The following ATRNL1 variants were observed in gnomAD, a reference collection of about 807,000 sequenced individuals.
ATRNL1 encodes the protein attractin-like protein 1.
Under a neutral mutation model 182.7 loss-of-function variants are expected in ATRNL1, and 95 were observed. That is an observed-to-expected ratio of 0.52 (90% CI 0.44 to 0.62). ATRNL1 has a LOEUF of 0.62. ATRNL1 is among the 20% of genes least tolerant of loss of function. The pLI is 0.00. For synonymous variants in ATRNL1, 576 were observed against 568.3 expected, an observed-to-expected ratio of 1.01 and a Z score of -0.19; for missense variants, 1,471 against 1,679.5, an observed-to-expected ratio of 0.88 and a Z score of 2.17.
chr10:115,517,967 C>T (rs1850724507), intron 24 of ATRNL1, among the ~76,000 whole-genome samples: 1 of 151,684 alleles, frequency 6.6e-6, no homozygotes, highest in Non-Finnish European at 1.5e-5. Context: ...TTTCTTCAGC[C>T]TTTGTATAAG....
chr10:115,765,192 G>A (rs1309983075), intron 27 of ATRNL1, among the ~76,000 whole-genome samples: 2 of 152,134 alleles, frequency 1.3e-5, no homozygotes, highest in Non-Finnish European at 2.9e-5. Flanking sequence ...AGGTATCAGG[G>A]AGCACAATTG....
chr10:115,384,489 G>A (rs890055086), intron 19 of ATRNL1, among the ~76,000 whole-genome samples: 8 of 151,608 alleles, frequency 5.3e-5, no homozygotes, highest in East Asian at 1.9e-4. Context: ...TGGGCCATTC[G>A]GTCTGTGTGC....
intron 27 of ATRNL1, among the ~76,000 whole-genome samples, chr10:115,729,811 C>G (rs1264787937): frequency 6.6e-6 from 1 of 152,040 alleles, no homozygotes; most frequent in Admixed American, 6.6e-5. Context: ...GAATTTTTAT[C>G]AAAACGTTAT....
chr10:115,098,241 A>G (rs1554863636), intron 1 of ATRNL1, among the ~76,000 whole-genome samples: 1 of 152,114 alleles, frequency 6.6e-6, no homozygotes, highest in Non-Finnish European at 1.5e-5. Context: ...CATGGTTTTC[A>G]AGAACACGTG....
At chr10:115,105,798 C>T (rs1350991351) in intron 1 of ATRNL1, among the ~76,000 whole-genome samples, 2 of 152,202 alleles carry the variant, frequency 1.3e-5, no homozygotes, top group African/African-American at 4.8e-5. Flanking sequence ...GTTTGGGAAC[C>T]TCTGTCTGCA....
chr10:115,815,602 T>G (rs1034163934), intron 27 of ATRNL1, among the ~76,000 whole-genome samples: 12 of 152,170 alleles, frequency 7.9e-5, no homozygotes, highest in African/African-American at 2.7e-4. Flanking sequence ...TCAATGTTAG[T>G]GGACTGTCTT....
At chr10:115,278,174 T>C (rs1852189177) in intron 13 of ATRNL1, among the ~76,000 whole-genome samples, 1 of 152,238 alleles carries the variant, frequency 6.6e-6, no homozygotes, top group African/African-American at 2.4e-5. Context: ...CTTTATTTTT[T>C]GAATTGGAAG....
intron 27 of ATRNL1, among the ~76,000 whole-genome samples, chr10:115,753,287 T>C (rs909577760): frequency 6.6e-6 from 1 of 151,978 alleles, no homozygotes; most frequent in Non-Finnish European, 1.5e-5. Flanking sequence ...CAACCTGTCA[T>C]CTACATTAGG....
intron 18 of ATRNL1, among the ~76,000 whole-genome samples, chr10:115,325,902 T>C (rs1410893417): frequency 1.3e-5 from 2 of 152,164 alleles, no homozygotes; most frequent in African/African-American, 4.8e-5. Context: ...AACTTTTTTT[T>C]TTTTAATGAT....
At chr10:115,204,212 T>A (rs1276674737) in intron 8 of ATRNL1, among the ~76,000 whole-genome samples, 1 of 152,032 alleles carries the variant, frequency 6.6e-6, no homozygotes, top group Admixed American at 6.6e-5. Context: ...ACTTTAGAGT[T>A]TTTTACATAT....
intron 1 of ATRNL1, among the ~76,000 whole-genome samples, chr10:115,112,214 A>C (rs1415796004): frequency 1.3e-5 from 2 of 152,212 alleles, no homozygotes; most frequent in South Asian, 2.1e-4. Context: ...TATTGTTAAA[A>C]TGTCTATATT....
intron 28 of ATRNL1, among the ~76,000 whole-genome samples, chr10:115,917,662 T>C (rs1287087679): frequency 6.6e-6 from 1 of 152,160 alleles, no homozygotes; most frequent in Non-Finnish European, 1.5e-5. Context: ...TAAAAGCTCA[T>C]ATGTGATTAA....
At chr10:115,165,236 C>T (rs544232989) in intron 6 of ATRNL1, among the ~76,000 whole-genome samples, 6 of 151,912 alleles carry the variant, frequency 3.9e-5, no homozygotes, top group Admixed American at 3.9e-4. Flanking sequence ...TTAAAAAATA[C>T]AGTCAAATCA....
intron 28 of ATRNL1, among the ~76,000 whole-genome samples, chr10:115,943,080 C>T (rs185718418): frequency 2.0e-5 from 3 of 152,308 alleles, no homozygotes; most frequent in Admixed American, 6.5e-5. Context: ...TGGTCACATT[C>T]GGTCAATAAT....
chr10:115,350,334 C>CAAAAAAAAAAAAAAA lies in ATRNL1; in HGVS notation c.3175+15926_3175+15927insAAAAAAAAAAAAAAA, dbSNP rs1424122017. The stretch of plus-strand genomic sequence containing the variant: ...CTGGTGACAGAGCAAGACTCTGTCT[C>CAAAAAAAAAAAAAAA]AAAAAAAAAAAGAAAAAAAAAAAAA... On this transcript the variant is annotated intron_variant, in intron 19 of 28. Coordinates refer to ENST00000355044, the MANE Select transcript of ATRNL1 (RefSeq NM_207303.4). Among the ~76,000 whole-genome samples the CAAAAAAAAAAAAAAA allele has an allele frequency of 4.4e-4, 13 of 29,736 alleles. 3 individuals carry two copies. Among genetic ancestry groups the CAAAAAAAAAAAAAAA allele is most frequent in the Admixed American group, 6.7e-4 (1 of 1,492 alleles). The allele number at this position is 29,736 out of a possible 152,430, so 19.5% of individuals were successfully genotyped here.
At chr10:115,488,387 C>T (rs1849131773) in intron 24 of ATRNL1, among the ~76,000 whole-genome samples, 1 of 152,100 alleles carries the variant, frequency 6.6e-6, no homozygotes, top group African/African-American at 2.4e-5. Flanking sequence ...TAATCAATGC[C>T]TCAATTTCAG....
chr10:115,759,410 A>G (rs904027734), intron 27 of ATRNL1, among the ~76,000 whole-genome samples: 2 of 152,072 alleles, frequency 1.3e-5, no homozygotes, highest in African/African-American at 4.8e-5. Flanking sequence ...GCCACTACCC[A>G]CTAGATGCCA....
At chr10:115,643,654 A>G (rs1859409990) in intron 26 of ATRNL1, among the ~76,000 whole-genome samples, 2 of 152,174 alleles carry the variant, frequency 1.3e-5, no homozygotes, top group African/African-American at 4.8e-5. Context: ...ACTTTAACAA[A>G]GAAGATATAT....
At chr10:115,189,365 GC>G (rs1166128069) in intron 8 of ATRNL1, among the ~76,000 whole-genome samples, 2 of 151,860 alleles carry the variant, frequency 1.3e-5, no homozygotes, top group Non-Finnish European at 2.9e-5. Context: ...CTGTAAAATA[GC>G]CTTAGGCAGG....
Sources: gnomAD v4.1 joint callset for allele counts (sites outside exome capture counted in the v4.1 genomes callset) on GRCh38, gnomAD v4.1.1 for gene constraint, MANE v1.5 for transcripts, NCBI Gene and HGNC (gene_info 2026-07-23, HGNC 2026-07-21) for gene names.